Variants in CADM2 observed in about 807,000 individuals in gnomAD.
The protein encoded by CADM2 is cell adhesion molecule 2.
A neutral mutation model predicts 49.8 loss-of-function variants in CADM2; 12 were observed. That is an observed-to-expected ratio of 0.24 (90% CI 0.15 to 0.39). The LOEUF (loss-of-function observed/expected upper bound fraction) is 0.39. CADM2 is among the 10% of genes least tolerant of loss of function. The pLI, the probability that CADM2 is intolerant of heterozygous loss-of-function variation, is 1.00. For missense variants in CADM2, 378 were observed against 492.3 expected, an observed-to-expected ratio of 0.77 and a Z score of 2.20; for synonymous variants, 214 against 175.4, an observed-to-expected ratio of 1.22 and a Z score of -1.74.
At chr3:85,931,266 A>C (rs563684665) in intron 6 of CADM2, among the ~76,000 whole-genome samples, 2 of 151,832 alleles carry the variant, frequency 1.3e-5, no homozygotes, top group African/African-American at 4.8e-5. Context: ...AGAGAAAAAG[A>C]AAGAGAGAGC....
At chr3:85,708,843 G>A (rs1486039630) in intron 1 of CADM2, among the ~76,000 whole-genome samples, 3 of 151,898 alleles carry the variant, frequency 2.0e-5, no homozygotes, top group Admixed American at 6.6e-5. Flanking sequence ...CACAAAGGTT[G>A]CACGTGGAAG....
intron 3 of CADM2, among the ~76,000 whole-genome samples, chr3:85,870,095 A>T (rs1393965901): frequency 1.3e-5 from 2 of 152,194 alleles, no homozygotes; most frequent in African/African-American, 4.8e-5. Flanking sequence ...TCCTGGGCTC[A>T]TTAGAAACAA....
At chr3:85,212,450 T>C (rs1576129157) in intron 1 of CADM2, among the ~76,000 whole-genome samples, 1 of 152,172 alleles carries the variant, frequency 6.6e-6, no homozygotes, top group Non-Finnish European at 1.5e-5. Flanking sequence ...TGAATGTTTT[T>C]AGATTTCAGG....
chr3:85,188,927 A>G (rs2041133713), intron 1 of CADM2, among the ~76,000 whole-genome samples: 1 of 151,912 alleles, frequency 6.6e-6, no homozygotes, highest in Non-Finnish European at 1.5e-5. Flanking sequence ...GCTACTCGGG[A>G]GGCTGAGGCA....
intron 8 of CADM2, among the ~76,000 whole-genome samples, chr3:86,053,179 A>T (rs1452308838): frequency 1.3e-5 from 2 of 152,196 alleles, no homozygotes; most frequent in South Asian, 4.1e-4. Context: ...TCCAAAATTA[A>T]GTGACATTCT....
At chr3:85,191,173 C>A (rs975765635) in intron 1 of CADM2, among the ~76,000 whole-genome samples, 1 of 151,894 alleles carries the variant, frequency 6.6e-6, no homozygotes, top group African/African-American at 2.4e-5. Context: ...TTACATCCTC[C>A]TAACTATTCC....
intron 1 of CADM2, among the ~76,000 whole-genome samples, chr3:85,617,484 C>A (rs2107474376): frequency 6.6e-6 from 1 of 152,250 alleles, no homozygotes; most frequent in Non-Finnish European, 1.5e-5. Context: ...GAGTTTTGTT[C>A]ATCTTCTTGC....
chr3:85,455,851 G>A (rs896034709), intron 1 of CADM2, among the ~76,000 whole-genome samples: 13 of 152,312 alleles, frequency 8.5e-5, no homozygotes, highest in Middle Eastern at 3.4e-3. Context: ...GTGTTCGTGT[G>A]TGTGTGTATT....
chr3:86,072,942 T>G lies in CADM2; in HGVS notation c.*6159T>G, dbSNP rs1274179074. ...ACACAATTTTAATCTTTTTACAAAT[T>G]TATTTAACTGTACCTACTGTACTTA... is the stretch of plus-strand genomic sequence containing the variant. On this transcript the variant is annotated 3_prime_UTR_variant, in exon 10 of 10. Transcript: ENST00000383699. 1.3e-5 allele frequency: 2 copies of G among 152,224 alleles called. No homozygotes were observed. Among genetic ancestry groups the G allele is most frequent in the East Asian group, 1.9e-4 (1 of 5,180 alleles). The allele number at this position is 152,224 out of a possible 1,614,324, so 9.4% of individuals were successfully genotyped here. A position where few individuals can be genotyped will look rare whatever the true frequency, so the allele number is the denominator to read the frequency against.
chr3:85,469,430 A>T (rs2875907), intron 1 of CADM2, among the ~76,000 whole-genome samples: 2 of 151,876 alleles, frequency 1.3e-5, no homozygotes, highest in African/African-American at 2.4e-5. Context: ...GTGTGGACAG[A>T]CACGCCATGC....
intron 7 of CADM2, among the ~76,000 whole-genome samples, chr3:85,940,775 G>C (rs534827481): frequency 1.3e-5 from 2 of 151,952 alleles, no homozygotes. Flanking sequence ...ATAAATCTGC[G>C]GATATTAGTG....
chr3:86,030,043 G>C (rs1734371539), intron 8 of CADM2, among the ~76,000 whole-genome samples: 1 of 151,970 alleles, frequency 6.6e-6, no homozygotes, highest in African/African-American at 2.4e-5. Flanking sequence ...TGTAGGTTAA[G>C]GAAGGGGGAT....
At chr3:85,371,677 GTATATATATATATATATA>G (rs1167720851) in intron 1 of CADM2, among the ~76,000 whole-genome samples, 31 of 95,156 alleles carry the variant, frequency 3.3e-4, no homozygotes, top group Non-Finnish European at 5.4e-4. Flanking sequence ...GTGTGTGTGT[GTATATATATATATATATA>G]TATATATATA....
chr3:85,487,577 G>T (rs1050066789), intron 1 of CADM2, among the ~76,000 whole-genome samples: 1 of 150,450 alleles, frequency 6.6e-6, no homozygotes, highest in Non-Finnish European at 1.5e-5. Flanking sequence ...GGAGGAGGAG[G>T]AAGTGGAGGA....
rs1192340162 is a variant in CADM2, at chr3:85,767,290, G to T, written c.89-34757G>T. Among the ~76,000 whole-genome samples the T allele has an allele frequency of 3.3e-5, 5 of 152,116 alleles. No homozygotes were observed. The East Asian group carries it at 9.6e-4, about 29-fold the overall frequency. ...ATTGGGCATAAGCCAGAAGGATACT[G>T]CTCCCAATGTACAAATAAGCCGGCG... is the stretch of plus-strand genomic sequence containing the variant. On this transcript the variant is annotated intron_variant, in intron 2 of 9. Coordinates refer to ENST00000383699, the MANE Select transcript of CADM2 (RefSeq NM_001167675.2).
chr3:85,494,204 C>G (rs1277508348), intron 1 of CADM2, among the ~76,000 whole-genome samples: 1 of 152,026 alleles, frequency 6.6e-6, no homozygotes, highest in Non-Finnish European at 1.5e-5. Context: ...GCTGTGCTTT[C>G]TTTTACGTTT....
intron 6 of CADM2, among the ~76,000 whole-genome samples, chr3:85,922,302 T>TA (rs1242420633): frequency 6.8e-6 from 1 of 146,234 alleles, no homozygotes; most frequent in Non-Finnish European, 1.5e-5. Context: ...CATTTATAAT[T>TA]AAAATGTGAT....
At chr3:85,452,437 C>T (rs1330334376) in intron 1 of CADM2, among the ~76,000 whole-genome samples, 1 of 152,072 alleles carries the variant, frequency 6.6e-6, no homozygotes, top group African/African-American at 2.4e-5. Context: ...ATAATATCCT[C>T]AAAAGCTATA....
intron 1 of CADM2, among the ~76,000 whole-genome samples, chr3:85,603,832 CAAGAAAACA>C (rs2063482428): frequency 6.6e-6 from 1 of 151,944 alleles, no homozygotes; most frequent in African/African-American, 2.4e-5. Flanking sequence ...TTCTTCTCAT[CAAGAAAACA>C]ATTTCTACTA....
Sources: gnomAD v4.1 joint callset for allele counts (sites outside exome capture counted in the v4.1 genomes callset) on GRCh38, gnomAD v4.1.1 for gene constraint, MANE v1.5 for transcripts, NCBI Gene and HGNC (gene_info 2026-07-23, HGNC 2026-07-21) for gene names.